The following SNX29 variants were observed in gnomAD, a reference collection of about 807,000 sequenced individuals.
SNX29 encodes the protein sorting nexin-29.
Under a neutral mutation model 102.1 loss-of-function variants are expected in SNX29, and 78 were observed. The ratio of observed to expected loss-of-function variants is 0.76; its 90% CI spans 0.64 to 0.92. The LOEUF (loss-of-function observed/expected upper bound fraction) is 0.92, where lower values mean the gene tolerates loss of function less well. SNX29 is among the 40% of genes least tolerant of loss of function. The probability of loss-of-function intolerance (pLI) is 0.00; values close to 1 mark genes in which losing one functional copy is unlikely to be tolerated. For missense variants in SNX29, 1,280 were observed against 1,061.7 expected (o/e 1.21, Z -2.86); for synonymous variants, 580 against 414.5 (o/e 1.40, Z -4.85).
At chr16:12,075,278 T>TC (rs2051498117) in intron 10 of SNX29, among the ~76,000 whole-genome samples, 1 of 152,200 alleles carries the variant, frequency 6.6e-6, no homozygotes, top group Non-Finnish European at 1.5e-5. Context: ...CTCTGTTTTT[T>TC]CCCCATCTTT....
At chr16:12,163,394 G>C (rs965713931) in intron 13 of SNX29, among the ~76,000 whole-genome samples, 1 of 152,108 alleles carries the variant, frequency 6.6e-6, no homozygotes, top group African/African-American at 2.4e-5. Context: ...TGTGTTTGAC[G>C]GACTAGACTC....
chr16:12,560,928 T>G (rs1317947353), intron 20 of SNX29: 9 of 204,720 alleles, frequency 4.4e-5, no homozygotes, highest in Middle Eastern at 1.6e-3. Flanking sequence ...AAGTACCTCG[T>G]GGTGTTGGGA....
At chr16:12,159,576 G>T (rs187827925) in intron 13 of SNX29, among the ~76,000 whole-genome samples, 92 of 152,282 alleles carry the variant, frequency 6.0e-4, no homozygotes, top group Non-Finnish European at 8.1e-4. Context: ...AATCCCCACT[G>T]GGGCTGGGCA....
chr16:12,352,133 T>TA (rs2082006809), intron 15 of SNX29, among the ~76,000 whole-genome samples: 1 of 152,144 alleles, frequency 6.6e-6, no homozygotes, highest in African/African-American at 2.4e-5. Flanking sequence ...CCAACAATGA[T>TA]AGACTGGATT....
intron 14 of SNX29, among the ~76,000 whole-genome samples, chr16:12,235,338 T>G (rs979561748): frequency 6.6e-6 from 1 of 152,204 alleles, no homozygotes; most frequent in Non-Finnish European, 1.5e-5. Context: ...GCTCGTGTTT[T>G]CAGCTTGCTG....
chr16:12,339,937 G>T (rs2081564566), intron 15 of SNX29, among the ~76,000 whole-genome samples: 1 of 152,190 alleles, frequency 6.6e-6, no homozygotes, highest in African/African-American at 2.4e-5. Flanking sequence ...AGGAAGAGAG[G>T]TGGTTTCTTA....
At chr16:12,299,082 T>C (rs568906770) in intron 15 of SNX29, among the ~76,000 whole-genome samples, 2 of 151,844 alleles carry the variant, frequency 1.3e-5, no homozygotes, top group Non-Finnish European at 2.9e-5. Context: ...GGTGAATCAC[T>C]TGAGGTCAGG....
At chr16:12,503,960 A>G (rs2089248232) in intron 19 of SNX29, among the ~76,000 whole-genome samples, 1 of 152,208 alleles carries the variant, frequency 6.6e-6, no homozygotes, top group Non-Finnish European at 1.5e-5. Context: ...GGCTCTTAGT[A>G]TATTCAGAGT....
intron 19 of SNX29, among the ~76,000 whole-genome samples, chr16:12,494,453 T>C (rs2088710078): frequency 6.6e-6 from 1 of 152,198 alleles, no homozygotes; most frequent in Non-Finnish European, 1.5e-5. Context: ...TTTGTGGGTA[T>C]TGGCATGAAG....
intron 18 of SNX29, among the ~76,000 whole-genome samples, chr16:12,465,009 G>C (rs1267623841): frequency 6.6e-6 from 1 of 152,162 alleles, no homozygotes; most frequent in African/African-American, 2.4e-5. Flanking sequence ...GGTGATGTGA[G>C]CACCTTTTCA....
intron 14 of SNX29, among the ~76,000 whole-genome samples, chr16:12,224,168 G>A (rs148267453): frequency 6.6e-6 from 1 of 152,262 alleles, no homozygotes; most frequent in East Asian, 1.9e-4. Context: ...TGAGTAGTAG[G>A]TTATTGGGGC....
At chr16:12,488,202 C>A (rs1476797474) in intron 19 of SNX29, among the ~76,000 whole-genome samples, 1 of 152,044 alleles carries the variant, frequency 6.6e-6, no homozygotes, top group Non-Finnish European at 1.5e-5. Context: ...AGCATATTTG[C>A]TGTTCTGTTC....
At chr16:12,227,568 G>A (rs925880713) in intron 14 of SNX29, among the ~76,000 whole-genome samples, 4 of 152,062 alleles carry the variant, frequency 2.6e-5, no homozygotes, top group Non-Finnish European at 5.9e-5. Context: ...CAAATCTATG[G>A]GGGGAAAGTA....
At position 12,570,181 on chromosome 16, in the gene SNX29, A is replaced by G; in HGVS notation, c.*1552A>G. On this transcript the variant is annotated 3_prime_UTR_variant, in exon 21 of 21. Coordinates refer to ENST00000566228, the MANE Select transcript of SNX29 (RefSeq NM_032167.5). ...GCGCCCCCCCACCCCAGAGAAACCG[A>G]GTCAGCCTACATGACTTCCAAGGGG... is the stretch of plus-strand genomic sequence containing the variant. 9.4e-7 allele frequency: 1 copy of G among 1,064,388 alleles called. No individual in the cohort carries two copies. The highest frequency in any genetic ancestry group is 1.1e-6 in the Non-Finnish European group (1 of 878,546). 65.9% of individuals were successfully genotyped at this position (1,064,388 alleles called of 1,614,324 possible).
intron 18 of SNX29, among the ~76,000 whole-genome samples, chr16:12,450,409 G>C (rs2086251682): frequency 6.6e-6 from 1 of 152,172 alleles, no homozygotes; most frequent in African/African-American, 2.4e-5. Context: ...CTGCAAATGG[G>C]ATCAACTTGA....
intron 18 of SNX29, among the ~76,000 whole-genome samples, chr16:12,414,277 G>C (rs901210586): frequency 2.6e-5 from 4 of 152,160 alleles, no homozygotes; most frequent in African/African-American, 9.7e-5. Context: ...AGCAGACTGA[G>C]GTAAGAGAAT....
chr16:12,002,073 T>A (rs565070325), intron 2 of SNX29, among the ~76,000 whole-genome samples: 1 of 151,870 alleles, frequency 6.6e-6, no homozygotes, highest in Non-Finnish European at 1.5e-5. Flanking sequence ...TTGCTTAACA[T>A]TGTGAATTGA....
intron 3 of SNX29, among the ~76,000 whole-genome samples, chr16:12,011,005 C>A (rs1004468451): frequency 6.6e-6 from 1 of 151,960 alleles, no homozygotes; most frequent in African/African-American, 2.4e-5. Context: ...CAGCCTCTAA[C>A]TAGTTTGAGG....
chr16:12,536,489 G>A (rs2077085221), intron 20 of SNX29, among the ~76,000 whole-genome samples: 1 of 152,106 alleles, frequency 6.6e-6, no homozygotes, highest in African/African-American at 2.4e-5. Context: ...AGTGATCCTG[G>A]ATTAGAACCT....
Sources: gnomAD v4.1 joint callset for allele counts (sites outside exome capture counted in the v4.1 genomes callset) on GRCh38, gnomAD v4.1.1 for gene constraint, MANE v1.5 for transcripts, NCBI Gene and HGNC (gene_info 2026-07-23, HGNC 2026-07-21) for gene names.